Variants in GRIK4 observed in about 807,000 individuals in gnomAD.
The protein encoded by GRIK4 is glutamate receptor ionotropic, kainate 4.
In GRIK4, 40 loss-of-function variants were observed where a neutral mutation model predicts 104.9. That is an observed-to-expected ratio of 0.38 (90% confidence interval 0.30 to 0.50). The LOEUF (loss-of-function observed/expected upper bound fraction) is 0.50. GRIK4 is among the 20% of genes least tolerant of loss of function. The probability of loss-of-function intolerance (pLI) is 0.93; values close to 1 mark genes in which losing one functional copy is unlikely to be tolerated. For missense variants in GRIK4, 1,047 were observed against 1,308.1 expected, an observed-to-expected ratio of 0.80 and a Z score of 3.08; for synonymous variants, 485 against 524.9, an observed-to-expected ratio of 0.92 and a Z score of 1.04.
intron 3 of GRIK4, among the ~76,000 whole-genome samples, chr11:120,750,521 C>A (rs1026539040): frequency 1.3e-5 from 2 of 149,696 alleles, no homozygotes; most frequent in African/African-American, 4.9e-5. Context: ...CATGTGCCAC[C>A]GTGCTTGGTT....
intron 11 of GRIK4, among the ~76,000 whole-genome samples, chr11:120,891,945 A>T (rs1418502687): frequency 6.6e-6 from 1 of 152,202 alleles, no homozygotes; most frequent in Non-Finnish European, 1.5e-5. Context: ...GCTCTGAGCA[A>T]ATCAGCTTTT....
At chr11:120,644,719 G>A (rs537198082) in intron 1 of GRIK4, among the ~76,000 whole-genome samples, 5 of 152,272 alleles carry the variant, frequency 3.3e-5, no homozygotes, top group African/African-American at 4.8e-5. Context: ...AGGGGAGAAG[G>A]CGAAGGGGTT....
At chr11:120,686,099 C>T (rs1346878827) in intron 3 of GRIK4, among the ~76,000 whole-genome samples, 3 of 152,034 alleles carry the variant, frequency 2.0e-5, no homozygotes, top group Non-Finnish European at 2.9e-5. Flanking sequence ...ATTTTGGACA[C>T]CAAATGGGAT....
At chr11:120,787,810 A>G (rs944766411) in intron 3 of GRIK4, among the ~76,000 whole-genome samples, 1 of 141,098 alleles carries the variant, frequency 7.1e-6, no homozygotes, top group African/African-American at 2.7e-5. Context: ...AAAATGACAT[A>G]TGTGCCTTGC....
At chr11:120,704,878 C>A (rs138739881) in intron 3 of GRIK4, among the ~76,000 whole-genome samples, 227 of 152,064 alleles carry the variant, frequency 1.5e-3, no homozygotes, top group African/African-American at 4.9e-3. Flanking sequence ...GGTCTATGTT[C>A]CAAAAAATGT....
At chr11:120,973,905 C>A (rs1177416316) in intron 19 of GRIK4, among the ~76,000 whole-genome samples, 1 of 98,810 alleles carries the variant, frequency 1.0e-5, no homozygotes, top group Non-Finnish European at 2.0e-5. Context: ...GATCTCTTCC[C>A]TTAAATCATT....
intron 3 of GRIK4, among the ~76,000 whole-genome samples, chr11:120,752,945 G>T (rs1025486373): frequency 2.6e-5 from 4 of 152,250 alleles, no homozygotes; most frequent in African/African-American, 9.6e-5. Context: ...GTGGGCCTAG[G>T]CCGGAAGATG....
Position 120,934,204 on chromosome 11 carries a change from C to CAA in GRIK4, c.1477-6117_1477-6116dup, listed in dbSNP as rs35705174. 3.5e-4 allele frequency among the ~76,000 whole-genome samples: 19 copies of CAA among 54,222 alleles called. 2 individuals are homozygous for CAA. Among genetic ancestry groups the CAA allele is most frequent in the African/African-American group, 6.0e-4 (7 of 11,728 alleles). The allele number at this position is 54,222 out of a possible 152,430, so 35.6% of individuals were successfully genotyped here. On this transcript the variant is annotated intron_variant, in intron 13 of 20. Coordinates refer to ENST00000527524, the MANE Select transcript of GRIK4 (RefSeq NM_014619.5). ...TGGGTGACAGAGCGAGACTCCGTCT[C>CAA]AAAAAAAAAAAAAAAAAAAAAAAAA...
chr11:120,567,015 T>C (rs2135064980), intron 1 of GRIK4, among the ~76,000 whole-genome samples: 1 of 145,176 alleles, frequency 6.9e-6, no homozygotes, highest in East Asian at 2.0e-4. Flanking sequence ...CTTGTTGTGT[T>C]GGCCTAGCTG....
intron 3 of GRIK4, among the ~76,000 whole-genome samples, chr11:120,739,497 C>T (rs577528987): frequency 1.3e-5 from 2 of 152,306 alleles, no homozygotes; most frequent in African/African-American, 4.8e-5. Context: ...TAGGACTGCT[C>T]ACTGCCCAAT....
At chr11:120,912,620 A>C (rs568067702) in intron 13 of GRIK4, among the ~76,000 whole-genome samples, 2 of 152,162 alleles carry the variant, frequency 1.3e-5, no homozygotes, top group Non-Finnish European at 2.9e-5. Flanking sequence ...GAACAAGAAG[A>C]GTGAGCAGAG....
intron 11 of GRIK4, among the ~76,000 whole-genome samples, chr11:120,888,442 C>T (rs747688521): frequency 2.0e-5 from 3 of 152,038 alleles, no homozygotes; most frequent in African/African-American, 7.3e-5. Flanking sequence ...AAATATAAAG[C>T]CTTTAGTCCA....
intron 3 of GRIK4, among the ~76,000 whole-genome samples, chr11:120,775,848 C>T (rs1952031688): frequency 6.6e-6 from 1 of 152,258 alleles, no homozygotes; most frequent in Admixed American, 6.5e-5. Context: ...CTCAGGGCTT[C>T]CTTACCACAC....
At chr11:120,689,539 A>T (rs1037547207) in intron 3 of GRIK4, among the ~76,000 whole-genome samples, 1 of 151,426 alleles carries the variant, frequency 6.6e-6, no homozygotes, top group Non-Finnish European at 1.5e-5. Flanking sequence ...TTGGCCACTC[A>T]GTATTCCTGT....
chr11:120,984,019 C>G (rs577895256), intron 20 of GRIK4, among the ~76,000 whole-genome samples: 10 of 152,174 alleles, frequency 6.6e-5, no homozygotes, highest in African/African-American at 2.4e-4. Flanking sequence ...TGATGGGGGC[C>G]TATAATCCAA....
At chr11:120,686,124 A>G (rs1016475682) in intron 3 of GRIK4, among the ~76,000 whole-genome samples, 7 of 152,170 alleles carry the variant, frequency 4.6e-5, no homozygotes, top group Non-Finnish European at 8.8e-5. Context: ...TATGTAAACT[A>G]TGTGGCACAT....
intron 1 of GRIK4, among the ~76,000 whole-genome samples, chr11:120,525,578 T>C (rs541184661): frequency 6.6e-6 from 1 of 152,080 alleles, no homozygotes; most frequent in Non-Finnish European, 1.5e-5. Flanking sequence ...ACAGAAACCA[T>C]AGCAGGCAGT....
intron 1 of GRIK4, among the ~76,000 whole-genome samples, chr11:120,512,866 T>G (rs1171737639): frequency 6.6e-6 from 1 of 150,716 alleles, no homozygotes; most frequent in Non-Finnish European, 1.5e-5. Context: ...GGCCTTGGGG[T>G]GGTGGAGGAG....
intron 2 of GRIK4, among the ~76,000 whole-genome samples, chr11:120,656,708 G>C (rs1949715789): frequency 6.6e-6 from 1 of 152,170 alleles, no homozygotes; most frequent in African/African-American, 2.4e-5. Flanking sequence ...TAAAAAATTA[G>C]CCAGGCTTGG....
Sources: gnomAD v4.1 joint callset for allele counts (sites outside exome capture counted in the v4.1 genomes callset) on GRCh38, gnomAD v4.1.1 for gene constraint, MANE v1.5 for transcripts, NCBI Gene and HGNC (gene_info 2026-07-23, HGNC 2026-07-21) for gene names.